The following WFS1 variants were observed in gnomAD, a reference collection of about 807,000 sequenced individuals.
The protein encoded by WFS1 is wolframin ER transmembrane glycoprotein.
In WFS1, 90 loss-of-function variants were observed where a neutral mutation model predicts 68.5. That is an observed-to-expected ratio of 1.31 (90% CI 1.11 to 1.56). The LOEUF is 1.56. Ranked by LOEUF, WFS1 falls within the 40% of genes most tolerant of loss-of-function variation. The pLI is 0.00. For synonymous variants in WFS1, 860 were observed against 540.7 expected, an observed-to-expected ratio of 1.59 and a Z score of -8.19; for missense variants, 1,767 against 1,232.6, an observed-to-expected ratio of 1.43 and a Z score of -6.49.
At chr4:6,295,216 C>T (rs537985011) in intron 7 of WFS1, 27 bp downstream of exon 7, 10 of 1,609,930 alleles carry the variant, frequency 6.2e-6, no homozygotes, top group South Asian at 2.2e-5. Flanking sequence ...CCGGTCAGGC[C>T]GGAGCCTGCC....
intron 4 of WFS1, among the ~76,000 whole-genome samples, chr4:6,289,765 G>A (rs1403478301): frequency 6.6e-6 from 1 of 152,246 alleles, no homozygotes; most frequent in Non-Finnish European, 1.5e-5. Context: ...AGGGAAAGAT[G>A]AAAGTGGGTG....
chr4:6,287,118 C>A lies in WFS1; in HGVS notation c.258C>A (p.Ile86=). 6.4e-7 allele frequency: 1 copy of A among 1,559,946 alleles called. No homozygotes were observed. The highest frequency in any genetic ancestry group is 8.7e-7 in the Non-Finnish European group (1 of 1,150,390). The change falls in exon 3 of 8, where the codon ATC becomes ATA. Residue 86 remains isoleucine (I), a synonymous_variant. Transcript: ENST00000226760. The surrounding 1 kb of genome is among the most constrained non-coding windows in gnomAD (Gnocchi z 6.4). ...GTGPTKGDME[I]PFEEVLERAK... Reference sequence around the variant, plus strand: ...GGCCTACAAAGGGAGACATGGAAATCCCCTTTGAAGAAGTCCTGGAGAGGG... The same window carrying A: ...GGCCTACAAAGGGAGACATGGAAATACCCTTTGAAGAAGTCCTGGAGAGGG...
At chr4:6,276,030 C>T (rs1021953626) in intron 1 of WFS1, among the ~76,000 whole-genome samples, 2 of 152,216 alleles carry the variant, frequency 1.3e-5, no homozygotes, top group African/African-American at 4.8e-5. Flanking sequence ...GGCACAGAGC[C>T]AGGAGTACAG....
rs1185176947 is a variant in WFS1 at position 6,301,139 on chromosome 4, C to T, written c.1344C>T (p.Ser448=). 3 of 1,613,336 alleles carry T rather than the reference C, an allele frequency of 1.9e-6. No individual in the cohort carries two copies. Among genetic ancestry groups the T allele is most frequent in the Non-Finnish European group, 2.5e-6 (3 of 1,180,006 alleles). Residue 448 remains serine, a synonymous_variant, in exon 8 of 8, where the codon AGC becomes AGT. Coordinates refer to ENST00000226760, the MANE Select transcript of WFS1 (RefSeq NM_006005.3). ...CCGTGACCAGCTACCTGAGCCTGAG[C>T]ACCCATGCAGAGCCCTACACGCGCA... ...FFTVTSYLSL[S]THAEPYTRRA... is the part of the protein sequence containing the mutation.
At chr4:6,300,453 AGGGAGGGCTCACAGGGACCGCGAGCATG>A (rs1730836600) in intron 7 of WFS1, among the ~76,000 whole-genome samples, 176 bp from the exon 8 acceptor site, 1 of 150,006 alleles carries the variant, frequency 6.7e-6, no homozygotes, top group African/African-American at 2.5e-5. Flanking sequence ...GGCCCAGAAG[AGGGAGGGCTCACAGGGACCGCGAGCATG>A]GGGAGGGCCA....
intron 6 of WFS1, 70 bp from the exon 7 acceptor site, chr4:6,294,971 A>G: frequency 6.2e-7 from 1 of 1,610,042 alleles, no homozygotes; most frequent in Non-Finnish European, 8.5e-7. Flanking sequence ...TCCCCAGCCC[A>G]TTGCTCTGTG....
rs193242769 is a variant in WFS1 at position 6,288,926 on chromosome 4, A to G, written c.316-61A>G. ...AGTGGGTGAAAGGAGGTGGGCTGGC[A>G]GGGAGCATGGGGTGGGAGAGGGTCG... On this transcript the variant is annotated intron_variant, in intron 3 of 7. Coordinates refer to ENST00000226760, the MANE Select transcript of WFS1 (RefSeq NM_006005.3). The G allele has an allele frequency of 1.0e-5, 16 of 1,583,044 alleles. No homozygotes were observed. The African/African-American group carries it at 2.1e-4, about 21-fold the overall frequency.
intron 2 of WFS1, among the ~76,000 whole-genome samples, chr4:6,286,075 A>AT (rs1164481760): frequency 6.6e-6 from 1 of 152,006 alleles, no homozygotes; most frequent in Non-Finnish European, 1.5e-5. Flanking sequence ...CAACCTACAG[A>AT]CCTGATGGAG....
At chr4:6,300,472 C>G (rs4689398) in intron 7 of WFS1, among the ~76,000 whole-genome samples, 185 bp from the exon 8 acceptor site, 2 of 151,464 alleles carry the variant, frequency 1.3e-5, no homozygotes, top group Non-Finnish European at 2.9e-5. Flanking sequence ...TCACAGGGAC[C>G]GCGAGCATGG....
chr4:6,280,773 C>T (rs1730138131), intron 2 of WFS1, among the ~76,000 whole-genome samples: 1 of 152,166 alleles, frequency 6.6e-6, no homozygotes, highest in South Asian at 2.1e-4. Flanking sequence ...CCCCTTCCCA[C>T]TATGCGGCCC....
chr4:6,295,066 CTT>C lies in WFS1; in HGVS notation c.740_741del (p.Phe247CysfsTer5). On this transcript the variant is annotated frameshift_variant, in exon 7 of 8. Coordinates refer to ENST00000226760, the MANE Select transcript of WFS1 (RefSeq NM_006005.3). LOFTEE classifies it high-confidence loss of function. ...ESKNYIALDD[F>X]VEITKKYAKG... ...CCAAGAACTACATCGCGCTGGATGA[CTT>C]TGTGGAGATCACTAAGAAGTACGCC... 6.2e-7 allele frequency: 1 copy of C among 1,613,576 alleles called. No individual in the cohort carries two copies. The highest frequency in any genetic ancestry group is 8.5e-7 in the Non-Finnish European group (1 of 1,180,018).
rs1031121281 is a variant in WFS1 at position 6,300,905 on chromosome 4, C to G, written c.1110C>G (p.Ala370=). The G allele has an allele frequency of 6.2e-7, 1 of 1,614,070 alleles. No individual in the cohort carries two copies. Among genetic ancestry groups the G allele is most frequent in the Non-Finnish European group, 8.5e-7 (1 of 1,180,036 alleles). Residue 370 remains alanine, a synonymous_variant, in exon 8 of 8, where the codon GCC becomes GCG. Transcript: ENST00000226760. ...TCAAGGTGTTCCAGGACAGCAAGGC[C>G]TGGGAGAACTTCCGCACCCTCACCG... is the stretch of plus-strand genomic sequence containing the variant. ...CTLKVFQDSK[A]WENFRTLTDL...
chr4:6,276,051 G>C (rs923703980), intron 1 of WFS1, among the ~76,000 whole-genome samples: 1 of 152,224 alleles, frequency 6.6e-6, no homozygotes, highest in Non-Finnish European at 1.5e-5. Context: ...CGCTGCGGCA[G>C]CTTGGGGCTG....
At position 6,302,559 on chromosome 4, in the gene WFS1, C is replaced by T. The variant is rs1046319; in HGVS notation, c.*91C>T. ...GCCCGACAGGCATGCACCAGTGCCG[C>T]CTGTGCCCACGTGTGCAGACTGTGG... On this transcript the variant is annotated 3_prime_UTR_variant, in exon 8 of 8. Coordinates refer to ENST00000226760, the MANE Select transcript of WFS1 (RefSeq NM_006005.3). The T allele has an allele frequency of 0.74, 1,169,391 of 1,571,184 alleles. 438,336 individuals carry two copies. Among genetic ancestry groups the T allele is most frequent in the East Asian group, 1 (44,287 of 44,382 alleles).
intron 7 of WFS1, among the ~76,000 whole-genome samples, 184 bp from the exon 8 acceptor site, chr4:6,300,473 G>C (rs368622056): frequency 1.3e-5 from 2 of 152,030 alleles, no homozygotes; most frequent in Admixed American, 6.6e-5. Context: ...CACAGGGACC[G>C]CGAGCATGGG....
rs1187779864 is a variant in WFS1, at chr4:6,300,996, C to G, written c.1201C>G (p.His401Asp). 1 of 1,614,018 alleles carries G rather than the reference C, an allele frequency of 6.2e-7. No individual in the cohort carries two copies. The highest frequency in any genetic ancestry group is 8.5e-7 in the Non-Finnish European group (1 of 1,180,010). ...EQAEVNFGWN[H>D]LEPYAHFLLS... ...GGCCGAGGTCAACTTCGGCTGGAAC[C>G]ACCTGGAGCCCTATGCCCATTTCCT... Residue 401 changes from histidine to aspartate, a missense_variant, in exon 8 of 8, where the codon CAC (histidine) becomes GAC (aspartate). His to Asp is a moderately conservative substitution (Grantham distance 81). Transcript: ENST00000226760.
At chr4:6,270,476 G>A (rs917008289) in intron 1 of WFS1, among the ~76,000 whole-genome samples, 2 of 152,066 alleles carry the variant, frequency 1.3e-5, no homozygotes, top group South Asian at 2.1e-4. Context: ...TGGGGGGGAA[G>A]GGGGGTTCAG....
Position 6,301,919 on chromosome 4 carries a change from CGT to C in WFS1, c.2126_2127del (p.Val709AspfsTer2). On this transcript the variant is annotated frameshift_variant, in exon 8 of 8. Transcript: ENST00000226760. LOFTEE classifies it high-confidence loss of function. ...TWTGRFKYVR[V>X]TDIDNSAESA... is the part of the protein sequence containing the mutation. ...GGACCGGCCGCTTCAAGTACGTCCGCGTGACTGACATCGACAACAGCGCCGAG... is the reference window on the plus strand; with the variant it reads ...GGACCGGCCGCTTCAAGTACGTCCGCGACTGACATCGACAACAGCGCCGAG... 1 of 1,612,976 alleles carries C rather than the reference CGT, an allele frequency of 6.2e-7. No individual in the cohort carries two copies. Among genetic ancestry groups the C allele is most frequent in the South Asian group, 1.1e-5 (1 of 91,086 alleles).
chr4:6,288,965 C>T (rs1730387062), intron 3 of WFS1, 22 bp from the exon 4 acceptor site: 3 of 1,604,766 alleles, frequency 1.9e-6, no homozygotes, highest in South Asian at 1.1e-5. Context: ...AATCTGGAGG[C>T]TGACTGGTGT....
Sources: allele counts gnomAD v4.1 joint callset (sites outside exome capture counted in the v4.1 genomes callset), GRCh38; gene constraint gnomAD v4.1.1; non-coding constraint Gnocchi (gnomAD v3.1); transcripts MANE v1.5; gene names NCBI Gene and HGNC (gene_info 2026-07-23, HGNC 2026-07-21).